The following ADAM22 variants were observed in gnomAD, a reference collection of about 807,000 sequenced individuals.
The protein encoded by ADAM22 is disintegrin and metalloproteinase domain-containing protein 22.
A neutral mutation model predicts 144.6 loss-of-function variants in ADAM22; 65 were observed. That is an observed-to-expected ratio of 0.45 (90% CI 0.37 to 0.55). The LOEUF (loss-of-function observed/expected upper bound fraction) is 0.55. ADAM22 is among the 20% of genes least tolerant of loss of function. ADAM22 has a pLI of 0.00. For missense variants in ADAM22, 974 were observed against 1,184.9 expected (o/e 0.82, Z 2.61); for synonymous variants, 391 against 412.6 (o/e 0.95, Z 0.63).
intron 2 of ADAM22, among the ~76,000 whole-genome samples, chr7:87,944,615 G>T (rs1160540499): frequency 6.6e-6 from 1 of 152,206 alleles, no homozygotes. Flanking sequence ...ATATGGTCAG[G>T]AACAGGCTGT....
At chr7:87,948,503 A>G (rs1043129521) in intron 2 of ADAM22, among the ~76,000 whole-genome samples, 2 of 151,918 alleles carry the variant, frequency 1.3e-5, no homozygotes, top group Non-Finnish European at 2.9e-5. Context: ...TCCTAAAATC[A>G]TTTTCCTAGT....
chr7:88,192,219 T>C (rs1849775612), intron 30 of ADAM22, among the ~76,000 whole-genome samples: 1 of 152,184 alleles, frequency 6.6e-6, no homozygotes, highest in South Asian at 2.1e-4. Context: ...CCTTGCACCA[T>C]GGATTAAGGA....
intron 2 of ADAM22, among the ~76,000 whole-genome samples, chr7:87,938,775 A>G (rs1231410874): frequency 2.6e-5 from 4 of 151,856 alleles, no homozygotes; most frequent in Non-Finnish European, 4.4e-5. Context: ...TCAGCCTCCC[A>G]AGTAGCTGGG....
chr7:88,072,462 T>C (rs900331543), intron 3 of ADAM22, among the ~76,000 whole-genome samples: 1 of 152,028 alleles, frequency 6.6e-6, no homozygotes, highest in African/African-American at 2.4e-5. Context: ...TTGACTTAGG[T>C]GATTTTGATT....
At chr7:88,111,034 G>A (rs980698132) in intron 5 of ADAM22, among the ~76,000 whole-genome samples, 6 of 149,972 alleles carry the variant, frequency 4.0e-5, no homozygotes. Flanking sequence ...TTTTAATTAA[G>A]TAAATTTTAT....
intron 15 of ADAM22, among the ~76,000 whole-genome samples, chr7:88,143,741 G>A (rs1322371951): frequency 6.6e-6 from 1 of 152,186 alleles, no homozygotes; most frequent in East Asian, 1.9e-4. Context: ...TGCGAATTAT[G>A]TGAACTGTGA....
chr7:87,999,181 A>G (rs1791943685), intron 3 of ADAM22, among the ~76,000 whole-genome samples: 1 of 152,230 alleles, frequency 6.6e-6, no homozygotes, highest in Admixed American at 6.5e-5. Context: ...ATTTAAATTT[A>G]GAGAACTAAA....
chr7:88,115,738 A>AT (rs1358773482), intron 6 of ADAM22, among the ~76,000 whole-genome samples: 1 of 152,038 alleles, frequency 6.6e-6, no homozygotes, highest in African/African-American at 2.4e-5. Flanking sequence ...CAGAGCTGTG[A>AT]TTTTTCACCC....
intron 17 of ADAM22, among the ~76,000 whole-genome samples, chr7:88,147,471 C>T (rs1305971167): frequency 1.3e-5 from 2 of 152,192 alleles, no homozygotes; most frequent in Non-Finnish European, 2.9e-5. Flanking sequence ...CTCAGCTCTG[C>T]CTTTGAAAGC....
chr7:88,114,221 G>A (rs956225525), intron 5 of ADAM22, among the ~76,000 whole-genome samples: 7 of 152,110 alleles, frequency 4.6e-5, no homozygotes, highest in African/African-American at 1.4e-4. Context: ...AATTTCCTGG[G>A]TTCCAGTCCA....
intron 3 of ADAM22, among the ~76,000 whole-genome samples, chr7:88,053,563 A>G (rs565359912): frequency 4.0e-5 from 6 of 148,276 alleles, no homozygotes; most frequent in East Asian, 1.9e-4. Context: ...AAAGAAAGAA[A>G]GAAGGAAGGA....
intron 8 of ADAM22, among the ~76,000 whole-genome samples, chr7:88,126,264 C>T (rs1046500108): frequency 2.0e-5 from 3 of 151,924 alleles, no homozygotes; most frequent in South Asian, 2.1e-4. Flanking sequence ...ATGACTTACT[C>T]GAATCATAGA....
rs997304806 is a variant in ADAM22 at position 88,198,544 on chromosome 7, C to T, written c.*2053C>T. The T allele has an allele frequency of 5.3e-5, 8 of 152,172 alleles. No individual in the cohort carries two copies. Among genetic ancestry groups the T allele is most frequent in the African/African-American group, 1.7e-4 (7 of 41,440 alleles). 9.4% of individuals were successfully genotyped at this position (152,172 alleles called of 1,614,324 possible). ...TGACTTTTTACCAAGATCACTGTAA[C>T]GTGCACTGAATGTTTCCTGGTACTG... On this transcript the variant is annotated 3_prime_UTR_variant, in exon 32 of 32. Transcript: ENST00000413139.
chr7:87,935,238 G>C, intron 2 of ADAM22, 52 bp downstream of exon 2: 2 of 1,501,256 alleles, frequency 1.3e-6, no homozygotes, highest in Non-Finnish European at 8.9e-7. Flanking sequence ...GCCCACCCGA[G>C]ACCCCACGAT....
At chr7:88,008,553 T>C (rs1794554606) in intron 3 of ADAM22, among the ~76,000 whole-genome samples, 1 of 152,116 alleles carries the variant, frequency 6.6e-6, no homozygotes, top group Admixed American at 6.6e-5. Flanking sequence ...ATATACATCA[T>C]GGAATACTAT....
intron 21 of ADAM22, 103 bp from the exon 22 acceptor site, chr7:88,155,784 T>C (rs114535020): frequency 2.2e-6 from 3 of 1,372,526 alleles, no homozygotes; most frequent in African/African-American, 2.9e-5. Flanking sequence ...GTAGATAATA[T>C]ACTTGATGAA....
intron 1 of ADAM22, 23 bp from the exon 2 acceptor site, chr7:87,935,003 C>G (rs376806041): frequency 1.9e-6 from 3 of 1,614,010 alleles, no homozygotes; most frequent in Non-Finnish European, 2.5e-6. Flanking sequence ...TCCACTCCCT[C>G]CTTTCCCGGT....
intron 5 of ADAM22, among the ~76,000 whole-genome samples, chr7:88,110,674 CTCTTT>C (rs1825769474): frequency 2.0e-5 from 3 of 148,622 alleles, no homozygotes; most frequent in Admixed American, 2.0e-4. Context: ...CTTTTCTCTT[CTCTTT>C]TCTTTTTCTT....
intron 4 of ADAM22, among the ~76,000 whole-genome samples, chr7:88,082,579 G>A (rs376379824): frequency 2.0e-5 from 3 of 152,166 alleles, no homozygotes; most frequent in East Asian, 1.9e-4. Context: ...AATTTTTGCA[G>A]CCTACTCATC....
Sources: gnomAD v4.1 joint callset for allele counts (sites outside exome capture counted in the v4.1 genomes callset) on GRCh38, gnomAD v4.1.1 for gene constraint, MANE v1.5 for transcripts, NCBI Gene and HGNC (gene_info 2026-07-23, HGNC 2026-07-21) for gene names.